The following PRKCE variants were observed in gnomAD, a reference collection of about 807,000 sequenced individuals.
PRKCE encodes the protein protein kinase C epsilon type.
A neutral mutation model predicts 85.4 loss-of-function variants in PRKCE; 16 were observed. The ratio of observed to expected loss-of-function variants is 0.19; its 90% CI spans 0.13 to 0.28. The LOEUF (loss-of-function observed/expected upper bound fraction) is 0.28, where lower values mean the gene tolerates loss of function less well. Ranked by LOEUF, PRKCE falls within the 10% of genes least tolerant of loss-of-function variation. PRKCE has a pLI of 1.00. For missense variants in PRKCE, 573 were observed against 975.2 expected (o/e 0.59, Z 5.49); for synonymous variants, 388 against 371.5 (o/e 1.04, Z -0.51).
intron 11 of PRKCE, among the ~76,000 whole-genome samples, chr2:46,140,499 G>C (rs569613313): frequency 6.6e-6 from 1 of 152,242 alleles, no homozygotes; most frequent in South Asian, 2.1e-4. Flanking sequence ...GTTGGATATG[G>C]ATCACACATC....
chr2:46,006,770 G>A (rs1705235458), intron 8 of PRKCE, among the ~76,000 whole-genome samples: 1 of 152,232 alleles, frequency 6.6e-6, no homozygotes, highest in South Asian at 2.1e-4. Flanking sequence ...CGGGGCACAA[G>A]ACTGTCTCGT....
At chr2:45,750,511 T>C (rs1683473781) in intron 1 of PRKCE, among the ~76,000 whole-genome samples, 1 of 152,168 alleles carries the variant, frequency 6.6e-6, no homozygotes, top group Non-Finnish European at 1.5e-5. Context: ...AAGGTGGGTA[T>C]TGGTTTGGGA....
At chr2:45,689,704 T>C (rs570243591) in intron 1 of PRKCE, among the ~76,000 whole-genome samples, 7 of 151,998 alleles carry the variant, frequency 4.6e-5, no homozygotes, top group African/African-American at 1.5e-4. Flanking sequence ...GAGACCAGCC[T>C]GGGCAACATG....
intron 14 of PRKCE, among the ~76,000 whole-genome samples, chr2:46,178,795 C>G (rs1332793019): frequency 6.6e-6 from 1 of 152,086 alleles, no homozygotes; most frequent in African/African-American, 2.4e-5. Context: ...CTGCTGTGTG[C>G]CCTGCCTTGC....
At chr2:45,718,150 G>A (rs1680300504) in intron 1 of PRKCE, among the ~76,000 whole-genome samples, 2 of 152,046 alleles carry the variant, frequency 1.3e-5, no homozygotes, top group African/African-American at 4.8e-5. Flanking sequence ...AGGGTGTTTA[G>A]TTGCTTCCCT....
intron 1 of PRKCE, among the ~76,000 whole-genome samples, chr2:45,678,675 A>G (rs1165738881): frequency 1.3e-5 from 2 of 151,156 alleles, no homozygotes; most frequent in Non-Finnish European, 2.9e-5. Context: ...CCAGAAGTTT[A>G]TCATGTAATT....
intron 10 of PRKCE, among the ~76,000 whole-genome samples, chr2:46,053,619 T>C (rs2105076460): frequency 6.6e-6 from 1 of 152,348 alleles, no homozygotes; most frequent in Admixed American, 6.5e-5. Flanking sequence ...TTTTTGTGTC[T>C]GGCCTATTTC....
At chr2:46,019,049 T>A (rs1430692739) in intron 10 of PRKCE, among the ~76,000 whole-genome samples, 1 of 152,252 alleles carries the variant, frequency 6.6e-6, no homozygotes, top group African/African-American at 2.4e-5. Flanking sequence ...GAGTACAACA[T>A]GTAAATAACC....
rs1675935072 is a variant in PRKCE at position 46,145,063 on chromosome 2, T to C, written c.1593-30T>C. 1.3e-6 allele frequency: 2 copies of C among 1,599,384 alleles called. No homozygotes were observed. Among genetic ancestry groups the C allele is most frequent in the Non-Finnish European group, 1.7e-6 (2 of 1,179,788 alleles). On this transcript the variant is annotated intron_variant, in intron 11 of 14. Transcript: ENST00000306156. This position sits in a 1 kb window ranked among gnomAD's most constrained non-coding sequence, Gnocchi z 4.6. ...AGACTATATTGGGGTGAGTGACGTA[T>C]TGACATTATGGTCCTGGCCTATCTT...
At chr2:46,146,860 G>T (rs1676116500) in intron 12 of PRKCE, among the ~76,000 whole-genome samples, 1 of 152,218 alleles carries the variant, frequency 6.6e-6, no homozygotes, top group South Asian at 2.1e-4. Context: ...GGGTTTCCTG[G>T]TGCTCATAGT....
At chr2:45,865,418 G>C (rs1038091021) in intron 2 of PRKCE, among the ~76,000 whole-genome samples, 7 of 152,204 alleles carry the variant, frequency 4.6e-5, no homozygotes, top group Admixed American at 4.6e-4. Flanking sequence ...ACTCAAGGTT[G>C]AGAATATCTC....
rs903211614 is a variant in PRKCE at position 45,907,521 on chromosome 2, G to C, written c.412+64458G>C. 6.6e-6 allele frequency among the ~76,000 whole-genome samples: 1 copy of C among 152,226 alleles called. No homozygotes were observed. The highest frequency in any genetic ancestry group is 1.5e-5 in the Non-Finnish European group (1 of 68,044). The stretch of plus-strand genomic sequence containing the variant: ...CACACTTCTGAGGGCGTCATCGCAG[G>C]CCCTGTTCATCTCTCCGGGCAGTGG... On this transcript the variant is annotated intron_variant, in intron 2 of 14. Transcript: ENST00000306156. This position sits in a 1 kb window ranked among gnomAD's most constrained non-coding sequence, Gnocchi z 4.5.
intron 1 of PRKCE, among the ~76,000 whole-genome samples, chr2:45,729,405 C>G (rs546235007): frequency 6.6e-6 from 1 of 152,156 alleles, no homozygotes; most frequent in African/African-American, 2.4e-5. Context: ...GATCCTAATA[C>G]GCTTATGAGA....
rs910041539 is a variant in PRKCE at position 46,099,451 on chromosome 2, T to C, written c.1592+13089T>C. 2.0e-4 allele frequency among the ~76,000 whole-genome samples: 30 copies of C among 152,070 alleles called. 1 individual carries two copies. The highest frequency in any genetic ancestry group is 6.5e-4 in the African/African-American group (27 of 41,466). ...ACAATACAACATGTTTCCACCACCC[T>C]GTACCTTTGCTTAGGAATACCATAC... On this transcript the variant is annotated intron_variant, in intron 11 of 14. Coordinates refer to ENST00000306156, the MANE Select transcript of PRKCE (RefSeq NM_005400.3).
chr2:45,990,658 C>CTT (rs796096867), intron 6 of PRKCE, among the ~76,000 whole-genome samples: 6 of 144,248 alleles, frequency 4.2e-5, no homozygotes, highest in Non-Finnish European at 6.1e-5. Flanking sequence ...AAATTACTTT[C>CTT]TTTTTTTTTT....
At chr2:46,083,208 C>T (rs1263749849) in intron 10 of PRKCE, among the ~76,000 whole-genome samples, 1 of 152,218 alleles carries the variant, frequency 6.6e-6, no homozygotes, top group Non-Finnish European at 1.5e-5. Context: ...ACCTCAGTCT[C>T]CCAAAGTTCT....
chr2:45,935,067 TCACA>T (rs1553453521), intron 2 of PRKCE, among the ~76,000 whole-genome samples: 2 of 146,246 alleles, frequency 1.4e-5, no homozygotes, highest in East Asian at 2.0e-4. Context: ...ACTCTCTCTC[TCACA>T]CACACACACA....
At chr2:45,718,400 A>C (rs1573050307) in intron 1 of PRKCE, among the ~76,000 whole-genome samples, 1 of 134,536 alleles carries the variant, frequency 7.4e-6, no homozygotes, top group East Asian at 2.2e-4. Context: ...GCTGGAGTGC[A>C]GTGGCGTGAT....
At chr2:46,142,956 A>T (rs900705879) in intron 11 of PRKCE, among the ~76,000 whole-genome samples, 41 of 152,210 alleles carry the variant, frequency 2.7e-4, no homozygotes, top group Non-Finnish European at 5.0e-4. Context: ...GGGGTATTTT[A>T]TAAAGTTGGG....
Sources: gnomAD v4.1 joint callset for allele counts (sites outside exome capture counted in the v4.1 genomes callset) on GRCh38, gnomAD v4.1.1 for gene constraint, Gnocchi (gnomAD v3.1) non-coding constraint, MANE v1.5 for transcripts, NCBI Gene and HGNC (gene_info 2026-07-23, HGNC 2026-07-21) for gene names.